The following JAM2 variants were observed in gnomAD, a reference collection of about 807,000 sequenced individuals.
JAM2 encodes the protein junctional adhesion molecule 2.
A neutral mutation model predicts 42.0 loss-of-function variants in JAM2; 17 were observed. The observed-to-expected ratio is 0.40, with a 90% CI of 0.28 to 0.61. JAM2 has a LOEUF of 0.61. Ranked by LOEUF, JAM2 falls within the 20% of genes least tolerant of loss-of-function variation. The probability of loss-of-function intolerance (pLI) is 0.37; values close to 1 mark genes in which losing one functional copy is unlikely to be tolerated. For synonymous variants in JAM2, 118 were observed against 128.6 expected, an observed-to-expected ratio of 0.92 and a Z score of 0.56; for missense variants, 319 against 358.3, an observed-to-expected ratio of 0.89 and a Z score of 0.89.
At chr21:25,688,543 C>A (rs147511753) in intron 2 of JAM2, among the ~76,000 whole-genome samples, 2 of 152,190 alleles carry the variant, frequency 1.3e-5, no homozygotes, top group Non-Finnish European at 2.9e-5. Flanking sequence ...CCTTAGCACA[C>A]GTTTGTCTTT....
At chr21:25,690,004 G>A in intron 3 of JAM2, 31 bp downstream of exon 3, 2 of 1,281,842 alleles carry the variant, frequency 1.6e-6, no homozygotes, top group Non-Finnish European at 2.3e-6. Flanking sequence ...AGAGGTGTGA[G>A]CAAGAGAATG....
intron 4 of JAM2, among the ~76,000 whole-genome samples, chr21:25,695,332 G>T (rs1188053831): frequency 2.0e-5 from 3 of 152,230 alleles, no homozygotes; most frequent in East Asian, 3.8e-4. Context: ...CAAGGCAGAA[G>T]AATTTTTCTT....
chr21:25,696,280 C>T (rs1037993321), intron 4 of JAM2, among the ~76,000 whole-genome samples: 11 of 152,036 alleles, frequency 7.2e-5, no homozygotes, highest in South Asian at 6.2e-4. Flanking sequence ...CCCAGGCGCT[C>T]GGCAGGCTGA....
chr21:25,667,675 G>A (rs1237867472), intron 1 of JAM2, among the ~76,000 whole-genome samples: 1 of 152,048 alleles, frequency 6.6e-6, no homozygotes, highest in African/African-American at 2.4e-5. Flanking sequence ...AATTAGGGGG[G>A]ACTAGTGTGT....
chr21:25,709,522 T>C (rs1387873614), intron 8 of JAM2, 73 bp downstream of exon 8: 2 of 1,011,880 alleles, frequency 2.0e-6, no homozygotes, highest in Non-Finnish European at 3.0e-6. Flanking sequence ...CTGTTTAAAG[T>C]CAAAAGAGAG....
chr21:25,704,191 C>T (rs994981806), intron 6 of JAM2, among the ~76,000 whole-genome samples: 82 of 151,946 alleles, frequency 5.4e-4, no homozygotes, highest in African/African-American at 1.7e-3. Flanking sequence ...TTGACTTTGC[C>T]TAAGATTATG....
intron 1 of JAM2, among the ~76,000 whole-genome samples, chr21:25,657,789 T>C (rs1273101353): frequency 6.6e-6 from 1 of 152,246 alleles, no homozygotes; most frequent in African/African-American, 2.4e-5. Context: ...AAATGTACCA[T>C]ATTTTAGCCT....
At chr21:25,662,024 G>A (rs535981701) in intron 1 of JAM2, among the ~76,000 whole-genome samples, 26 of 152,200 alleles carry the variant, frequency 1.7e-4, no homozygotes, top group African/African-American at 6.0e-4. Flanking sequence ...ATGTAGTTAA[G>A]GTAAGGATAG....
At chr21:25,671,509 A>AT (rs999753479) in intron 1 of JAM2, among the ~76,000 whole-genome samples, 9 of 148,858 alleles carry the variant, frequency 6.0e-5, no homozygotes, top group East Asian at 2.0e-4. Flanking sequence ...CTTTTTCTTT[A>AT]TTTTTTTTTT....
At chr21:25,642,728 A>T (rs532684432) in intron 1 of JAM2, among the ~76,000 whole-genome samples, 7 of 152,334 alleles carry the variant, frequency 4.6e-5, no homozygotes, top group African/African-American at 1.2e-4. Flanking sequence ...ATGTTTGCTC[A>T]CCACTATATG....
chr21:25,692,921 C>CTT (rs2033914068), intron 3 of JAM2, among the ~76,000 whole-genome samples: 1 of 152,114 alleles, frequency 6.6e-6, no homozygotes, highest in Non-Finnish European at 1.5e-5. Context: ...AGGCAAAGAC[C>CTT]TAAAATGGCT....
At chr21:25,656,796 A>G (rs968166069) in intron 1 of JAM2, among the ~76,000 whole-genome samples, 7 of 152,232 alleles carry the variant, frequency 4.6e-5, no homozygotes, top group African/African-American at 1.7e-4. Flanking sequence ...ATATATATTC[A>G]GAGTCCTAAT....
chr21:25,674,399 A>G (rs2033435034), intron 1 of JAM2, among the ~76,000 whole-genome samples: 1 of 152,166 alleles, frequency 6.6e-6, no homozygotes, highest in Admixed American at 6.5e-5. Flanking sequence ...TGCCTCAAAA[A>G]ATAAAATAAA....
chr21:25,654,830 A>C (rs2032885604), intron 1 of JAM2, among the ~76,000 whole-genome samples: 1 of 152,182 alleles, frequency 6.6e-6, no homozygotes, highest in Non-Finnish European at 1.5e-5. Flanking sequence ...GCATGAACTC[A>C]GAAAGTGGGT....
In JAM2 at chr21:25,686,206, T is replaced by C. The variant is rs572458688; in HGVS notation, c.133+2258T>C. On this transcript the variant is annotated intron_variant, in intron 2 of 9. Coordinates refer to ENST00000480456, the MANE Select transcript of JAM2 (RefSeq NM_021219.4). ...TTTAATATAGAAAATCCTTCCATAA[T>C]GTATTGCAAGCAAATGTTAATCTCA... 9.8e-5 allele frequency among the ~76,000 whole-genome samples: 15 copies of C among 152,346 alleles called. No individual in the cohort carries two copies. In the South Asian group the frequency reaches 2.9e-3, roughly 29 times the overall value.
At chr21:25,695,847 C>T (rs1360975030) in intron 4 of JAM2, among the ~76,000 whole-genome samples, 6 of 151,004 alleles carry the variant, frequency 4.0e-5, no homozygotes, top group Admixed American at 3.3e-4. Context: ...GGGGCAGAGG[C>T]GCTTCCCACA....
intron 1 of JAM2, among the ~76,000 whole-genome samples, chr21:25,680,778 G>GGATGGATGGATGGATGACGATC (rs1169983310): frequency 6.6e-6 from 1 of 152,112 alleles, no homozygotes. Flanking sequence ...CTGGATGGAT[G>GGATGGATGGATGGATGACGATC]GATGGATGGA....
In JAM2 at chr21:25,714,626, CT is replaced by C. The variant is rs149216934; in HGVS notation, c.865-11del. 5,602 of 1,432,702 alleles carry C rather than the reference CT, an allele frequency of 3.9e-3. 167 individuals carry two copies. In the African/African-American group the frequency reaches 0.058, roughly 15 times the overall value. 88.7% of individuals were successfully genotyped at this position (1,432,702 alleles called of 1,614,324 possible). A position where few individuals can be genotyped will look rare whatever the true frequency, so the allele number is the denominator to read the frequency against. ...ATTCATATATTTAAACCTGTTTTTT[CT>C]TTCTTTTCCTAGGATTTCAAGCACA... On this transcript the variant is annotated splice_polypyrimidine_tract_variant and intron_variant, in intron 9 of 9. Transcript: ENST00000480456.
chr21:25,690,541 T>G (rs1224793583), intron 3 of JAM2, among the ~76,000 whole-genome samples: 3 of 151,932 alleles, frequency 2.0e-5, no homozygotes, highest in African/African-American at 7.3e-5. Context: ...TGAGGTGAGG[T>G]CTCCCTATGT....
Sources: allele counts gnomAD v4.1 joint callset (sites outside exome capture counted in the v4.1 genomes callset), GRCh38; gene constraint gnomAD v4.1.1; transcripts MANE v1.5; gene names NCBI Gene and HGNC (gene_info 2026-07-23, HGNC 2026-07-21).